The following PDE4D variants were observed in gnomAD, a reference collection of about 807,000 sequenced individuals.
PDE4D encodes 3',5'-cyclic-AMP phosphodiesterase 4D.
Under a neutral mutation model 87.4 loss-of-function variants are expected in PDE4D, and 24 were observed. The ratio of observed to expected loss-of-function variants is 0.27; its 90% confidence interval spans 0.20 to 0.39. The LOEUF (loss-of-function observed/expected upper bound fraction) is 0.39. PDE4D is among the 10% of genes least tolerant of loss of function. The probability of loss-of-function intolerance (pLI) is 1.00; values close to 1 mark genes in which losing one functional copy is unlikely to be tolerated. For synonymous variants in PDE4D, 384 were observed against 383.2 expected (o/e 1.00, Z -0.02); for missense variants, 714 against 1,041.0 (o/e 0.69, Z 4.32).
At chr5:59,654,470 A>G (rs1169631399) in intron 1 of PDE4D, among the ~76,000 whole-genome samples, 1 of 152,176 alleles carries the variant, frequency 6.6e-6, no homozygotes, top group African/African-American at 2.4e-5. Flanking sequence ...TCCTATCTGT[A>G]GGTGTTGATT....
At chr5:59,405,271 G>C (rs1791418186) in intron 1 of PDE4D, among the ~76,000 whole-genome samples, 1 of 151,982 alleles carries the variant, frequency 6.6e-6, no homozygotes, top group African/African-American at 2.4e-5. Flanking sequence ...GTGTTTTATA[G>C]TTTTCATTGT....
intron 2 of PDE4D, among the ~76,000 whole-genome samples, chr5:59,203,121 A>G (rs1056747068): frequency 2.0e-5 from 3 of 152,180 alleles, no homozygotes; most frequent in Non-Finnish European, 4.4e-5. Context: ...AGGTAGCAGG[A>G]TAGCTTAAGC....
At chr5:59,273,703 G>A (rs1267028264) in intron 1 of PDE4D, among the ~76,000 whole-genome samples, 3 of 152,002 alleles carry the variant, frequency 2.0e-5, no homozygotes, top group Non-Finnish European at 2.9e-5. Context: ...AATATTTTTA[G>A]TTAAATGGAA....
chr5:59,472,615 ATTGAT>A (rs1360186436), intron 1 of PDE4D, among the ~76,000 whole-genome samples: 4 of 152,154 alleles, frequency 2.6e-5, no homozygotes, highest in Admixed American at 6.6e-5. Flanking sequence ...AATTTTATGA[ATTGAT>A]TTGACAGGTC....
intron 5 of PDE4D, among the ~76,000 whole-genome samples, chr5:59,109,823 C>T (rs528379651): frequency 1.3e-5 from 2 of 152,198 alleles, no homozygotes; most frequent in Non-Finnish European, 2.9e-5. Flanking sequence ...CAAGAGACTC[C>T]CAGGCTGGAC....
Position 58,990,910 on chromosome 5 carries a change from GAAAAA to G in PDE4D, c.1189-13_1189-9del. ...GTTCACATCTTCTAGTTCCTGGAGTGAAAAAAAAAAAAAGATACTAAAATATTAGA... is the reference window on the plus strand; with the variant it reads ...GTTCACATCTTCTAGTTCCTGGAGTGAAAAAAAAGATACTAAAATATTAGA... On this transcript the variant is annotated splice_polypyrimidine_tract_variant and intron_variant, in intron 8 of 14. Coordinates refer to ENST00000340635, the MANE Select transcript of PDE4D (RefSeq NM_001104631.2). The G allele has an allele frequency of 3.7e-6, 4 of 1,081,696 alleles. No homozygotes were observed. Among genetic ancestry groups the G allele is most frequent in the Non-Finnish European group, 5.2e-6 (4 of 765,288 alleles). 67.0% of individuals were successfully genotyped at this position (1,081,696 alleles called of 1,614,324 possible). A position where few individuals can be genotyped will look rare whatever the true frequency, so the allele number is the denominator to read the frequency against.
intron 1 of PDE4D, among the ~76,000 whole-genome samples, chr5:60,496,366 T>C (rs974173936): frequency 2.0e-5 from 3 of 152,202 alleles, no homozygotes; most frequent in Non-Finnish European, 4.4e-5. Flanking sequence ...CCCATCAGCA[T>C]CCGTCTCTCA....
intron 1 of PDE4D, among the ~76,000 whole-genome samples, chr5:59,691,487 G>A (rs1220547181): frequency 6.7e-6 from 1 of 149,642 alleles, no homozygotes; most frequent in Non-Finnish European, 1.5e-5. Context: ...ACCAAACACT[G>A]CATGTTCTCA....
At chr5:60,109,796 G>A (rs943091371) in intron 2 of PDE4D, among the ~76,000 whole-genome samples, 3 of 151,634 alleles carry the variant, frequency 2.0e-5, no homozygotes, top group African/African-American at 2.4e-5. Flanking sequence ...TCACTCATAG[G>A]TGGGAACTGA....
intron 1 of PDE4D, among the ~76,000 whole-genome samples, chr5:59,802,305 A>G (rs1767223031): frequency 6.6e-6 from 1 of 152,086 alleles, no homozygotes; most frequent in Non-Finnish European, 1.5e-5. Context: ...ACTTTAGTTA[A>G]GAAATACATA....
rs138313167 is a variant in PDE4D at position 60,283,523 on chromosome 5, T to C, written c.-89-97836A>G. Among the ~76,000 whole-genome samples the C allele has an allele frequency of 7.5e-4, 114 of 152,296 alleles. 1 individual carries two copies. In the East Asian group the frequency reaches 0.019, roughly 25 times the overall value. On this transcript the variant is annotated intron_variant, in intron 1 of 16. Coordinates refer to the PDE4D transcript ENST00000502484. ...CTACTGAAAAGTTTTTGGCATTAAA[T>C]GTTTTAAAAGAAATAAAAAATGGTA...
chr5:59,587,548 G>C, intron 1 of PDE4D: 1 of 985,398 alleles, frequency 1.0e-6, no homozygotes, highest in Non-Finnish European at 1.2e-6. Flanking sequence ...CAGCCGCCTT[G>C]TCTGCCCTGG....
intron 2 of PDE4D, among the ~76,000 whole-genome samples, chr5:59,997,055 T>G (rs1243838375): frequency 6.6e-6 from 1 of 152,146 alleles, no homozygotes; most frequent in Non-Finnish European, 1.5e-5. Flanking sequence ...CTGTATATTC[T>G]CATCAACAAG....
chr5:59,127,088 A>G (rs1775514613), intron 5 of PDE4D, among the ~76,000 whole-genome samples: 2 of 152,236 alleles, frequency 1.3e-5, no homozygotes, highest in South Asian at 4.1e-4. Flanking sequence ...CTGCCTGTGA[A>G]AGCTGAAATC....
chr5:59,849,383 A>C (rs1477536098), intron 1 of PDE4D, among the ~76,000 whole-genome samples: 2 of 152,030 alleles, frequency 1.3e-5, no homozygotes. Flanking sequence ...CAACAAAGAG[A>C]CATGAAGTTT....
At chr5:59,035,016 C>T (rs1169466906) in intron 6 of PDE4D, among the ~76,000 whole-genome samples, 1 of 152,234 alleles carries the variant, frequency 6.6e-6, no homozygotes, top group East Asian at 1.9e-4. Context: ...GATAACGTTA[C>T]AGGGTTCCAT....
chr5:60,402,609 T>C (rs1447737045), intron 1 of PDE4D, among the ~76,000 whole-genome samples: 2 of 152,226 alleles, frequency 1.3e-5, no homozygotes, highest in Non-Finnish European at 2.9e-5. Flanking sequence ...CTTCAGAATG[T>C]CCTGGAGCAG....
At chr5:59,442,472 C>T (rs1797778127) in intron 1 of PDE4D, among the ~76,000 whole-genome samples, 2 of 152,154 alleles carry the variant, frequency 1.3e-5, no homozygotes, top group African/African-American at 4.8e-5. Context: ...TAAATGAGAG[C>T]TCATACTCAC....
intron 1 of PDE4D, among the ~76,000 whole-genome samples, chr5:59,273,464 T>C (rs916372361): frequency 1.3e-5 from 2 of 152,130 alleles, no homozygotes; most frequent in Non-Finnish European, 2.9e-5. Flanking sequence ...AATATTTGAC[T>C]GATAGACGGA....
Sources: gnomAD v4.1 joint callset for allele counts (sites outside exome capture counted in the v4.1 genomes callset) on GRCh38, gnomAD v4.1.1 for gene constraint, MANE v1.5 for transcripts, NCBI Gene and HGNC (gene_info 2026-07-23, HGNC 2026-07-21) for gene names.